Variants in SCFD2 observed in about 807,000 individuals in gnomAD.
SCFD2 encodes the protein sec1 family domain containing 2, also known as sec1 family domain-containing protein 2.
In SCFD2, 54 loss-of-function variants were observed where a neutral mutation model predicts 58.9. That is an observed-to-expected ratio of 0.92 (90% confidence interval 0.74 to 1.15). SCFD2 has a LOEUF of 1.15. Ranked by LOEUF, SCFD2 falls within the 50% of genes most tolerant of loss-of-function variation. The pLI is 0.00. For missense variants in SCFD2, 805 were observed against 836.6 expected, an observed-to-expected ratio of 0.96 and a Z score of 0.47; for synonymous variants, 321 against 335.9, an observed-to-expected ratio of 0.96 and a Z score of 0.49.
chr4:52,893,253 T>C (rs1718920858), intron 7 of SCFD2, among the ~76,000 whole-genome samples: 1 of 152,080 alleles, frequency 6.6e-6, no homozygotes, highest in Non-Finnish European at 1.5e-5. Context: ...TCTCTCTCTT[T>C]CTTTCTTTCA....
chr4:52,939,215 G>T (rs1720223920), intron 5 of SCFD2, among the ~76,000 whole-genome samples: 2 of 152,162 alleles, frequency 1.3e-5, no homozygotes, highest in Non-Finnish European at 2.9e-5. Flanking sequence ...AAGAATCTAT[G>T]CAGCCAATTA....
chr4:53,179,879 C>G (rs1727483935), intron 4 of SCFD2, among the ~76,000 whole-genome samples: 1 of 152,048 alleles, frequency 6.6e-6, no homozygotes, highest in African/African-American at 2.4e-5. Flanking sequence ...GACTTTAAAC[C>G]CACAAAGATC....
chr4:53,151,040 C>G (rs1318774658), intron 4 of SCFD2, among the ~76,000 whole-genome samples: 1 of 152,158 alleles, frequency 6.6e-6, no homozygotes, highest in Non-Finnish European at 1.5e-5. Flanking sequence ...CCTGCTACCC[C>G]ACAGGCTCCT....
Position 53,317,200 on chromosome 4 carries a change from T to C in SCFD2, c.1008-3437A>G, listed in dbSNP as rs1455286988. Reference sequence around the variant, plus strand: ...AAACAGTTTTCTAAACACGTCATACTAACTTCACATTACACATGGTCATTT... The same window carrying C: ...AAACAGTTTTCTAAACACGTCATACCAACTTCACATTACACATGGTCATTT... On this transcript the variant is annotated intron_variant, in intron 2 of 8. Transcript: ENST00000401642. Among the ~76,000 whole-genome samples, 8 of 152,302 alleles carry C rather than the reference T, an allele frequency of 5.3e-5. No homozygotes were observed. The East Asian group carries it at 1.5e-3, about 29-fold the overall frequency.
At chr4:53,232,808 C>T (rs567871356) in intron 4 of SCFD2, among the ~76,000 whole-genome samples, 3 of 152,288 alleles carry the variant, frequency 2.0e-5, no homozygotes, top group Non-Finnish European at 4.4e-5. Flanking sequence ...ACAGACTTAA[C>T]AGGTTCTGCT....
At chr4:52,980,862 T>C (rs764269852) in intron 5 of SCFD2, among the ~76,000 whole-genome samples, 9 of 152,134 alleles carry the variant, frequency 5.9e-5, no homozygotes, top group South Asian at 4.1e-4. Flanking sequence ...TGACATGATA[T>C]TTTTGCATAT....
intron 4 of SCFD2, among the ~76,000 whole-genome samples, chr4:53,218,158 T>C (rs890261384): frequency 1.3e-5 from 2 of 152,162 alleles, no homozygotes; most frequent in African/African-American, 4.8e-5. Context: ...TTTGTGTCAT[T>C]CTCTGTATTT....
chr4:52,887,408 A>C (rs2109449167), intron 7 of SCFD2, among the ~76,000 whole-genome samples: 1 of 152,332 alleles, frequency 6.6e-6, no homozygotes, highest in South Asian at 2.1e-4. Context: ...ACCACTCAGG[A>C]AATGCAAAAC....
chr4:53,074,902 G>C (rs1036314503), intron 5 of SCFD2, among the ~76,000 whole-genome samples: 1 of 152,098 alleles, frequency 6.6e-6, no homozygotes, highest in Non-Finnish European at 1.5e-5. Flanking sequence ...CATTTGCTTC[G>C]AGTGAAAGTC....
At chr4:52,880,737 G>T (rs1301240011) in intron 8 of SCFD2, among the ~76,000 whole-genome samples, 3 of 152,278 alleles carry the variant, frequency 2.0e-5, no homozygotes, top group African/African-American at 7.2e-5. Context: ...GTGGATGGGG[G>T]TCAACTTTCC....
chr4:53,026,730 A>G (rs755065166), intron 5 of SCFD2, among the ~76,000 whole-genome samples: 13 of 152,186 alleles, frequency 8.5e-5, no homozygotes, highest in Non-Finnish European at 1.5e-4. Flanking sequence ...AGACAACTAG[A>G]GTAGTAGTAC....
chr4:53,269,334 A>G (rs1014466113), intron 4 of SCFD2, among the ~76,000 whole-genome samples: 1 of 152,088 alleles, frequency 6.6e-6, no homozygotes, highest in Non-Finnish European at 1.5e-5. Context: ...AAAAAAATTT[A>G]AAAAAGAACT....
At chr4:53,315,153 A>T (rs749234569) in intron 2 of SCFD2, among the ~76,000 whole-genome samples, 17 of 151,352 alleles carry the variant, frequency 1.1e-4, no homozygotes, top group Non-Finnish European at 1.0e-4. Flanking sequence ...TGAAGGAATG[A>T]TTTCTACTGG....
chr4:53,116,175 T>C (rs1326913283), intron 5 of SCFD2, among the ~76,000 whole-genome samples: 1 of 152,200 alleles, frequency 6.6e-6, no homozygotes, highest in Non-Finnish European at 1.5e-5. Context: ...TATATGAACA[T>C]AGAGGATGTA....
At chr4:53,260,212 C>A (rs1730788380) in intron 4 of SCFD2, among the ~76,000 whole-genome samples, 1 of 152,002 alleles carries the variant, frequency 6.6e-6, no homozygotes, top group Non-Finnish European at 1.5e-5. Context: ...GATTTGGATG[C>A]CTTTTATTTC....
At chr4:53,064,275 C>G (rs1324232052) in intron 5 of SCFD2, among the ~76,000 whole-genome samples, 1 of 152,074 alleles carries the variant, frequency 6.6e-6, no homozygotes, top group Admixed American at 6.6e-5. Context: ...TCTCCTTCCA[C>G]CCTCCCCCTC....
intron 2 of SCFD2, among the ~76,000 whole-genome samples, chr4:53,323,938 A>T (rs562252796): frequency 6.6e-6 from 1 of 152,248 alleles, no homozygotes; most frequent in Admixed American, 6.5e-5. Flanking sequence ...CAATTACCCT[A>T]TTAATAAAGG....
chr4:53,329,792 A>T (rs908429765), intron 2 of SCFD2, among the ~76,000 whole-genome samples: 3 of 141,358 alleles, frequency 2.1e-5, no homozygotes, highest in African/African-American at 7.8e-5. Context: ...CGATCAAATT[A>T]CTCTGAGCTA....
intron 5 of SCFD2, among the ~76,000 whole-genome samples, chr4:53,044,489 A>ACTTCCTTCCTTCCTTC (rs536906756): frequency 8.7e-4 from 127 of 146,032 alleles, no homozygotes; most frequent in African/African-American, 3.1e-3. Flanking sequence ...CTTTACAGGA[A>ACTTCCTTCCTTCCTTC]CTTCCTTCCT....
Sources: allele counts gnomAD v4.1 joint callset (sites outside exome capture counted in the v4.1 genomes callset), GRCh38; gene constraint gnomAD v4.1.1; transcripts MANE v1.5; gene names NCBI Gene and HGNC (gene_info 2026-07-23, HGNC 2026-07-21).